Variants in XPO7 observed in about 807,000 individuals in gnomAD.
XPO7 encodes the protein exportin-7.
In XPO7, 21 loss-of-function variants were observed where a neutral mutation model predicts 144.3. The observed-to-expected ratio is 0.15, with a 90% CI of 0.10 to 0.21. The LOEUF (loss-of-function observed/expected upper bound fraction) is 0.21, where lower values mean the gene tolerates loss of function less well. Among genes scored for constraint, XPO7 ranks in the 10% least tolerant of loss-of-function variants. XPO7 has a pLI of 1.00. For synonymous variants in XPO7, 580 were observed against 499.6 expected (o/e 1.16, Z -2.15); for missense variants, 808 against 1,325.8 (o/e 0.61, Z 6.06).
Position 21,989,146 on chromosome 8 carries a change from A to T in XPO7, c.1868+63A>T, listed in dbSNP as rs1585473432. ...ACTGGCATGCCACAGTCTTAGAATCATGGCCTCCTGCTCTTTCCACTTCAG... is the reference window on the plus strand; with the variant it reads ...ACTGGCATGCCACAGTCTTAGAATCTTGGCCTCCTGCTCTTTCCACTTCAG... On this transcript the variant is annotated intron_variant, in intron 16 of 27. Coordinates refer to ENST00000252512, the MANE Select transcript of XPO7 (RefSeq NM_015024.5). The T allele has an allele frequency of 2.8e-6, 4 of 1,432,416 alleles. No individual in the cohort carries two copies. The Admixed American group carries it at 7.2e-5, about 26-fold the overall frequency. 88.7% of individuals were successfully genotyped at this position (1,432,416 alleles called of 1,614,324 possible). A position where few individuals can be genotyped will look rare whatever the true frequency, so the allele number is the denominator to read the frequency against.
chr8:21,924,880 A>G (rs1810407842), intron 1 of XPO7, among the ~76,000 whole-genome samples: 1 of 152,200 alleles, frequency 6.6e-6, no homozygotes, highest in South Asian at 2.1e-4. Context: ...ATTCTTGAGG[A>G]TGATTAATGG....
chr8:21,946,186 G>C (rs1811182422), intron 1 of XPO7, among the ~76,000 whole-genome samples: 1 of 152,122 alleles, frequency 6.6e-6, no homozygotes, highest in Non-Finnish European at 1.5e-5. Flanking sequence ...GCAGGTTTAG[G>C]TTACCCCATC....
At chr8:21,999,334 T>C in intron 23 of XPO7, 29 bp downstream of exon 23, 2 of 1,610,108 alleles carry the variant, frequency 1.2e-6, no homozygotes, top group South Asian at 1.1e-5. Flanking sequence ...TGCCACAATC[T>C]TGTTCCTCAT....
At chr8:21,963,660 A>G (rs1161050947) in intron 1 of XPO7, among the ~76,000 whole-genome samples, 1 of 150,402 alleles carries the variant, frequency 6.6e-6, no homozygotes, top group African/African-American at 2.4e-5. Context: ...ACATCACTGC[A>G]CTCCAGCCTG....
chr8:21,933,322 G>C (rs917994730), intron 1 of XPO7, among the ~76,000 whole-genome samples: 3 of 152,076 alleles, frequency 2.0e-5, no homozygotes, highest in East Asian at 3.9e-4. Flanking sequence ...GGATGGTCTT[G>C]ATCTCCTGAC....
Position 21,991,956 on chromosome 8 carries a change from C to T in XPO7, c.2130C>T (p.Phe710=). 6.2e-7 allele frequency: 1 copy of T among 1,613,438 alleles called. No individual in the cohort carries two copies. The stretch of plus-strand genomic sequence containing the variant: ...CCCAGATGTTTAGCACCAATAGTTT[C>T]AACGAGCAGGAGGCAAAGGTGAGTG... The part of the protein sequence containing the change: ...AVAQMFSTNS[F]NEQEAKRTLV... Residue 710 remains phenylalanine, a synonymous_variant, in exon 19 of 28, where the codon TTC becomes TTT. Coordinates refer to ENST00000252512, the MANE Select transcript of XPO7 (RefSeq NM_015024.5).
intron 4 of XPO7, among the ~76,000 whole-genome samples, chr8:21,971,026 G>A (rs1812043806): frequency 6.6e-6 from 1 of 151,974 alleles, no homozygotes; most frequent in African/African-American, 2.4e-5. Context: ...CTATACAGGT[G>A]TAGCTTTTTA....
intron 2 of XPO7, 110 bp downstream of exon 2, chr8:21,967,113 T>G (rs963295063): frequency 2.3e-5 from 32 of 1,395,702 alleles, no homozygotes; most frequent in Non-Finnish European, 2.9e-5. Flanking sequence ...TTTTTCTAGG[T>G]GTCCCTGACT....
chr8:21,933,282 A>G lies in XPO7; in HGVS notation c.18+13494A>G, dbSNP rs527783639. Among the ~76,000 whole-genome samples the G allele has an allele frequency of 1.1e-4, 16 of 151,866 alleles. 2 individuals are homozygous for G. The highest frequency in any genetic ancestry group is 3.9e-4 in the African/African-American group (16 of 41,404). On this transcript the variant is annotated intron_variant, in intron 1 of 27. Coordinates refer to ENST00000252512, the MANE Select transcript of XPO7 (RefSeq NM_015024.5). ...CACCCGGCTAATTTTTTCTCTTTTT[A>G]GTAGAGATGGGGTTTCACCATGTTA...
chr8:22,004,063 G>A, intron 27 of XPO7, 33 bp downstream of exon 27: 1 of 1,610,504 alleles, frequency 6.2e-7, no homozygotes, highest in Non-Finnish European at 8.5e-7. Flanking sequence ...AGAAATCTCA[G>A]ACAATTGCTA....
At position 22,005,101 on chromosome 8, in the gene XPO7, C is replaced by A. The variant is rs1813282263; in HGVS notation, c.*13C>A. The A allele has an allele frequency of 6.2e-7, 1 of 1,610,420 alleles. No individual in the cohort carries two copies. Among genetic ancestry groups the A allele is most frequent in the African/African-American group, 1.3e-5 (1 of 74,932 alleles). On this transcript the variant is annotated 3_prime_UTR_variant, in exon 28 of 28. Transcript: ENST00000252512. Reference sequence around the variant, plus strand: ...CATGATGAGCTGACACCTCCTTGGACTCTACCTGTACAGAGCAGCGTCCCT... The same window carrying A: ...CATGATGAGCTGACACCTCCTTGGAATCTACCTGTACAGAGCAGCGTCCCT...
chr8:21,986,442 C>T (rs1282384965), intron 13 of XPO7, among the ~76,000 whole-genome samples: 3 of 152,124 alleles, frequency 2.0e-5, no homozygotes, highest in Non-Finnish European at 4.4e-5. Flanking sequence ...CATGAGCCAC[C>T]GCGCCCCGCC....
chr8:21,990,314 C>CT (rs763774292), intron 16 of XPO7, 30 bp from the exon 17 acceptor site: 1 of 1,610,852 alleles, frequency 6.2e-7, no homozygotes, highest in Non-Finnish European at 8.5e-7. Context: ...CTGCTTCACA[C>CT]TTTCCTTGAC....
chr8:21,986,746 C>T (rs190919800), intron 13 of XPO7, among the ~76,000 whole-genome samples: 4 of 152,200 alleles, frequency 2.6e-5, no homozygotes, highest in Non-Finnish European at 5.9e-5. Context: ...GAGTCTCATT[C>T]ACTCATGATG....
Position 22,005,272 on chromosome 8 carries a change from A to T in XPO7, c.*184A>T. ...GGTGTGAGTACACTCACTAGGGGGCAGGGCGCTGCTGGTTCCTGGGGGACT... is the reference window on the plus strand; with the variant it reads ...GGTGTGAGTACACTCACTAGGGGGCTGGGCGCTGCTGGTTCCTGGGGGACT... On this transcript the variant is annotated 3_prime_UTR_variant, in exon 28 of 28. Coordinates refer to ENST00000252512, the MANE Select transcript of XPO7 (RefSeq NM_015024.5). 2.4e-5 allele frequency: 9 copies of T among 376,206 alleles called. No homozygotes were observed. Among genetic ancestry groups the T allele is most frequent in the Non-Finnish European group, 3.3e-5 (7 of 209,700 alleles). 23.3% of individuals were successfully genotyped at this position (376,206 alleles called of 1,614,324 possible). A position where few individuals can be genotyped will look rare whatever the true frequency, so the allele number is the denominator to read the frequency against.
At chr8:21,967,456 G>A (rs925952696) in intron 2 of XPO7, among the ~76,000 whole-genome samples, 3 of 152,020 alleles carry the variant, frequency 2.0e-5, no homozygotes, top group African/African-American at 2.4e-5. Flanking sequence ...TCAGCCTCCC[G>A]AGTAGCTGGG....
intron 21 of XPO7, among the ~76,000 whole-genome samples, chr8:21,998,136 G>A (rs1040914708): frequency 8.5e-5 from 13 of 152,150 alleles, no homozygotes; most frequent in Admixed American, 8.5e-4. Flanking sequence ...AAGAGGCGAC[G>A]GGTAGAAAGT....
At chr8:21,948,723 A>AG (rs2117284523) in intron 1 of XPO7, among the ~76,000 whole-genome samples, 2 of 152,284 alleles carry the variant, frequency 1.3e-5, no homozygotes, top group South Asian at 4.1e-4. Context: ...CACCAGAAAA[A>AG]TAAGTATTGA....
intron 20 of XPO7, among the ~76,000 whole-genome samples, chr8:21,994,859 C>T (rs1812891041): frequency 6.6e-6 from 1 of 152,054 alleles, no homozygotes; most frequent in South Asian, 2.1e-4. Flanking sequence ...CGAGACCATC[C>T]TGGCTAACAC....
Sources: allele counts gnomAD v4.1 joint callset (sites outside exome capture counted in the v4.1 genomes callset), GRCh38; gene constraint gnomAD v4.1.1; transcripts MANE v1.5; gene names NCBI Gene and HGNC (gene_info 2026-07-23, HGNC 2026-07-21).